The following ATP11A variants were observed in gnomAD, a reference collection of about 807,000 sequenced individuals.
ATP11A encodes phospholipid-transporting ATPase IH.
In ATP11A, 81 loss-of-function variants were observed where a neutral mutation model predicts 154.4. The ratio of observed to expected loss-of-function variants is 0.52; its 90% CI spans 0.44 to 0.63. The LOEUF (loss-of-function observed/expected upper bound fraction) is 0.63. Ranked by LOEUF, ATP11A falls within the 30% of genes least tolerant of loss-of-function variation. The pLI, the probability that ATP11A is intolerant of heterozygous loss-of-function variation, is 0.00. For synonymous variants in ATP11A, 623 were observed against 585.9 expected (o/e 1.06, Z -0.91); for missense variants, 1,316 against 1,474.3 (o/e 0.89, Z 1.76).
chr13:112,765,266 C>CTG, intron 1 of ATP11A, among the ~76,000 whole-genome samples: 1 of 151,776 alleles, frequency 6.6e-6, no homozygotes, highest in Admixed American at 6.6e-5. Flanking sequence ...TTCCTGTGAC[C>CTG]TGGAGGCCTG....
rs2080613933 is a variant in ATP11A at position 112,873,555 on chromosome 13, T to C, written c.3058-18T>C. 1 of 1,257,744 alleles carries C rather than the reference T, an allele frequency of 8.0e-7. No homozygotes were observed. Among genetic ancestry groups the C allele is most frequent in the East Asian group, 2.8e-5 (1 of 35,314 alleles). The allele number at this position is 1,257,744 out of a possible 1,614,324, so 77.9% of individuals were successfully genotyped here. A position where few individuals can be genotyped will look rare whatever the true frequency, so the allele number is the denominator to read the frequency against. On this transcript the variant is annotated intron_variant, in intron 26 of 29. Transcript: ENST00000375645. ...GCTCAGATGACACCGTTAACTGCCC[T>C]TTTTTTTTTCCTTTTAGCTTGCATT...
At chr13:112,724,083 A>G (rs1302632853) in intron 1 of ATP11A, among the ~76,000 whole-genome samples, 2 of 147,694 alleles carry the variant, frequency 1.4e-5, no homozygotes, top group Non-Finnish European at 3.0e-5. Flanking sequence ...CTGGGTGTGG[A>G]CCAGCCCCTA....
In ATP11A at chr13:112,859,508, G is replaced by A. The variant is rs2140355390; in HGVS notation, c.2727+56G>A. 6.9e-7 allele frequency: 1 copy of A among 1,456,640 alleles called. No individual in the cohort carries two copies. Among genetic ancestry groups the A allele is most frequent in the South Asian group, 1.1e-5 (1 of 87,782 alleles). 90.2% of individuals were successfully genotyped at this position (1,456,640 alleles called of 1,614,324 possible). A position where few individuals can be genotyped will look rare whatever the true frequency, so the allele number is the denominator to read the frequency against. On this transcript the variant is annotated intron_variant, in intron 23 of 29. Transcript: ENST00000375645. This position sits in a 1 kb window ranked among gnomAD's most constrained non-coding sequence, Gnocchi z 4.3. ...TCTGAGCCTTCTTTTCCTTCCCGCA[G>A]TGGGTGGCTGCTGTGGGGAGGGGAG...
intron 25 of ATP11A, among the ~76,000 whole-genome samples, chr13:112,869,430 G>A (rs185038290): frequency 2.6e-5 from 4 of 152,310 alleles, no homozygotes; most frequent in African/African-American, 9.6e-5. Context: ...GCTTAGAAAG[G>A]CAGTTTCTCG....
chr13:112,699,771 G>A (rs1886300583), intron 1 of ATP11A, among the ~76,000 whole-genome samples: 1 of 152,174 alleles, frequency 6.6e-6, no homozygotes, highest in Non-Finnish European at 1.5e-5. Flanking sequence ...GCCTCCTGCC[G>A]GGGAGCCTGT....
chr13:112,819,822 AAGGCAGGTGGGCC>A, intron 7 of ATP11A, 65 bp from the exon 8 acceptor site: 1 of 1,486,628 alleles, frequency 6.7e-7, no homozygotes, highest in South Asian at 1.1e-5. Flanking sequence ...TGGCTCACAG[AAGGCAGGTGGGCC>A]AGGCGCGCGC....
chr13:112,800,908 C>T (rs1017871892), intron 2 of ATP11A, among the ~76,000 whole-genome samples: 1 of 152,140 alleles, frequency 6.6e-6, no homozygotes, highest in Non-Finnish European at 1.5e-5. Flanking sequence ...ATGATTATAT[C>T]AATAGGTGCA....
intron 1 of ATP11A, among the ~76,000 whole-genome samples, chr13:112,758,069 G>A (rs1015113931): frequency 1.3e-5 from 2 of 152,180 alleles, no homozygotes; most frequent in African/African-American, 4.8e-5. Flanking sequence ...AGACATTTTT[G>A]TTGTTGTTTT....
chr13:112,778,347 C>G (rs1394268563), intron 1 of ATP11A, among the ~76,000 whole-genome samples: 1 of 152,216 alleles, frequency 6.6e-6, no homozygotes, highest in African/African-American at 2.4e-5. Context: ...AGCTCCCATG[C>G]AGTTATGCTG....
In ATP11A at chr13:112,882,456, C is replaced by T. The variant is rs571342880; in HGVS notation, c.*590C>T. The T allele has an allele frequency of 1.1e-5, 5 of 450,790 alleles. No homozygotes were observed. The highest frequency in any genetic ancestry group is 3.9e-5 in the Admixed American group (1 of 25,802). The allele number at this position is 450,790 out of a possible 1,614,324, so 27.9% of individuals were successfully genotyped here. ...AGGGTGAGGTGGAGCCATGGTGGTG[C>T]GTCCTTTACTCAACAACCCTCCAAT... On this transcript the variant is annotated 3_prime_UTR_variant, in exon 30 of 30. Transcript: ENST00000375645. The surrounding 1 kb of genome is among the most constrained non-coding windows in gnomAD (Gnocchi z 5.1).
intron 1 of ATP11A, among the ~76,000 whole-genome samples, chr13:112,728,875 T>C (rs1021545220): frequency 9.9e-5 from 15 of 152,138 alleles, no homozygotes; most frequent in African/African-American, 3.6e-4. Context: ...AAGAGAAGAA[T>C]ACACAGTGGC....
At chr13:112,839,390 C>A (rs1390483422) in intron 16 of ATP11A, among the ~76,000 whole-genome samples, 1 of 152,108 alleles carries the variant, frequency 6.6e-6, no homozygotes, top group Non-Finnish European at 1.5e-5. Context: ...TTCCTTGATG[C>A]CCTTTTTCCA....
chr13:112,853,298 A>G (rs2079828065), intron 18 of ATP11A, among the ~76,000 whole-genome samples: 1 of 151,688 alleles, frequency 6.6e-6, no homozygotes, highest in Non-Finnish European at 1.5e-5. Context: ...ACACACACAT[A>G]TATATATACA....
At chr13:112,799,696 C>G (rs434968) in intron 2 of ATP11A, among the ~76,000 whole-genome samples, 91,003 of 152,048 alleles carry the variant, frequency 0.6, 28,045 homozygotes, top group African/African-American at 0.75. Flanking sequence ...TCAGAGGCCT[C>G]ACAATTTATA....
Position 112,882,682 on chromosome 13 carries a change from A to G in ATP11A, c.*816A>G, listed in dbSNP as rs1423523220. 2.5e-6 allele frequency: 1 copy of G among 399,644 alleles called. No individual in the cohort carries two copies. The highest frequency in any genetic ancestry group is 4.4e-6 in the Non-Finnish European group (1 of 226,922). 24.8% of individuals were successfully genotyped at this position (399,644 alleles called of 1,614,324 possible). ...CAGTGCCACGTGGGAGGACAAGGCC[A>G]CGCCGGCAGCTTCCAGCCCTGCCGC... On this transcript the variant is annotated 3_prime_UTR_variant, in exon 30 of 30. Coordinates refer to ENST00000375645, the MANE Select transcript of ATP11A (RefSeq NM_015205.3). This position sits in a 1 kb window ranked among gnomAD's most constrained non-coding sequence, Gnocchi z 5.1.
chr13:112,793,977 G>A (rs906312876), intron 2 of ATP11A, among the ~76,000 whole-genome samples: 2 of 152,164 alleles, frequency 1.3e-5, no homozygotes, highest in African/African-American at 4.8e-5. Flanking sequence ...TCCAGCTCAG[G>A]GCCAAAATCA....
chr13:112,869,811 A>T (rs560389009), intron 25 of ATP11A, among the ~76,000 whole-genome samples: 33 of 152,356 alleles, frequency 2.2e-4, no homozygotes, highest in African/African-American at 7.2e-4. Context: ...GCCAAGCCAC[A>T]GCTGTTCCTA....
At chr13:112,832,834 G>T in intron 13 of ATP11A, 26 bp from the exon 14 acceptor site, 1 of 1,605,906 alleles carries the variant, frequency 6.2e-7, no homozygotes, top group East Asian at 2.2e-5. Flanking sequence ...CGTGATTTGG[G>T]GGTTCTGGGA....
In ATP11A at chr13:112,883,043, C is replaced by G. The variant is rs1217447921; in HGVS notation, c.*1177C>G. The G allele has an allele frequency of 7.5e-6, 3 of 398,130 alleles. No individual in the cohort carries two copies. Among genetic ancestry groups the G allele is most frequent in the East Asian group, 3.6e-5 (1 of 27,986 alleles). The allele number at this position is 398,130 out of a possible 1,614,324, so 24.7% of individuals were successfully genotyped here. A position where few individuals can be genotyped will look rare whatever the true frequency, so the allele number is the denominator to read the frequency against. The stretch of plus-strand genomic sequence containing the variant: ...CCCACGTCCCCTCATCCCGTCACCT[C>G]GTCCCCACATCCCCTTGCCCCGTCA... On this transcript the variant is annotated 3_prime_UTR_variant, in exon 30 of 30. Transcript: ENST00000375645.
Sources: allele counts gnomAD v4.1 joint callset (sites outside exome capture counted in the v4.1 genomes callset), GRCh38; gene constraint gnomAD v4.1.1; non-coding constraint Gnocchi (gnomAD v3.1); transcripts MANE v1.5; gene names NCBI Gene and HGNC (gene_info 2026-07-23, HGNC 2026-07-21).